Variants in SLC2A12 observed in about 807,000 individuals in gnomAD.
SLC2A12 encodes solute carrier family 2, facilitated glucose transporter member 12.
Under a neutral mutation model 41.8 loss-of-function variants are expected in SLC2A12, and 23 were observed. The ratio of observed to expected loss-of-function variants is 0.55; its 90% CI spans 0.40 to 0.78. The LOEUF (loss-of-function observed/expected upper bound fraction) is 0.78. Ranked by LOEUF, SLC2A12 falls within the 30% of genes least tolerant of loss-of-function variation. The pLI is 0.00. For missense variants in SLC2A12, 654 were observed against 745.6 expected, an observed-to-expected ratio of 0.88 and a Z score of 1.43; for synonymous variants, 295 against 285.9, an observed-to-expected ratio of 1.03 and a Z score of -0.32.
At chr6:134,033,143 G>A (rs1264815844) in intron 1 of SLC2A12, among the ~76,000 whole-genome samples, 1 of 151,980 alleles carries the variant, frequency 6.6e-6, no homozygotes, top group Non-Finnish European at 1.5e-5. Flanking sequence ...ATTTGGGTAA[G>A]TACAGAGGGG....
At chr6:134,037,399 C>T (rs1450534068) in intron 1 of SLC2A12, among the ~76,000 whole-genome samples, 7 of 149,718 alleles carry the variant, frequency 4.7e-5, no homozygotes, top group South Asian at 2.1e-4. Flanking sequence ...CTGGCTCTGT[C>T]GCCAGGCTGG....
chr6:134,042,003 G>GA (rs1777388599), intron 1 of SLC2A12, among the ~76,000 whole-genome samples: 2 of 152,146 alleles, frequency 1.3e-5, no homozygotes, highest in African/African-American at 4.8e-5. Flanking sequence ...ATTTAATGTT[G>GA]AAAAAATAGT....
chr6:134,006,193 CA>C (rs571711008), intron 3 of SLC2A12, among the ~76,000 whole-genome samples: 24,724 of 121,372 alleles, frequency 0.2, 2,333 homozygotes, highest in South Asian at 0.35. Flanking sequence ...AAAAAAAAAA[CA>C]AAAAAAAAAA....
intron 2 of SLC2A12, among the ~76,000 whole-genome samples, chr6:134,008,363 T>C (rs1776839836): frequency 6.6e-6 from 1 of 152,242 alleles, no homozygotes; most frequent in African/African-American, 2.4e-5. Context: ...ATTTTTTTCT[T>C]ACATTCTCCA....
At chr6:134,032,591 C>T (rs1777234713) in intron 1 of SLC2A12, among the ~76,000 whole-genome samples, 1 of 144,764 alleles carries the variant, frequency 6.9e-6, no homozygotes, top group Non-Finnish European at 1.5e-5. Context: ...TAATATCTTC[C>T]CTATTATATG....
chr6:134,033,255 C>T (rs1441708032), intron 1 of SLC2A12, among the ~76,000 whole-genome samples: 1 of 151,974 alleles, frequency 6.6e-6, no homozygotes, highest in East Asian at 1.9e-4. Flanking sequence ...TCTTTATTAC[C>T]TATTATTTAT....
chr6:134,005,422 G>A (rs971051527), intron 3 of SLC2A12, among the ~76,000 whole-genome samples: 2 of 151,986 alleles, frequency 1.3e-5, no homozygotes, highest in Non-Finnish European at 2.9e-5. Context: ...ACTTCGGGAG[G>A]CTGAGGCAGG....
chr6:134,020,152 C>T (rs1777023032), intron 2 of SLC2A12, among the ~76,000 whole-genome samples: 1 of 152,128 alleles, frequency 6.6e-6, no homozygotes, highest in Admixed American at 6.5e-5. Flanking sequence ...GTGGGGCATC[C>T]ACTTTAACCT....
intron 2 of SLC2A12, among the ~76,000 whole-genome samples, chr6:134,017,696 C>A (rs1776980332): frequency 6.6e-6 from 1 of 151,356 alleles, no homozygotes. Context: ...ACTAAAAATA[C>A]AAAAAAAATT....
At chr6:134,017,574 C>T (rs1316936097) in intron 2 of SLC2A12, among the ~76,000 whole-genome samples, 3 of 151,908 alleles carry the variant, frequency 2.0e-5, no homozygotes, top group African/African-American at 7.3e-5. Context: ...ACATTTAGGC[C>T]GGGCACGGTG....
intron 2 of SLC2A12, among the ~76,000 whole-genome samples, chr6:134,014,636 T>C (rs1681644312): frequency 6.6e-6 from 1 of 152,338 alleles, no homozygotes; most frequent in African/African-American, 2.4e-5. Context: ...CACTGAGTCA[T>C]GGAAAACAGT....
intron 1 of SLC2A12, among the ~76,000 whole-genome samples, chr6:134,039,418 T>C (rs1249535591): frequency 1.3e-5 from 2 of 152,236 alleles, no homozygotes; most frequent in African/African-American, 4.8e-5. Flanking sequence ...CTTAAAAAAC[T>C]ATATTGAGAA....
At chr6:134,002,679 A>C (rs1776767358) in intron 3 of SLC2A12, among the ~76,000 whole-genome samples, 1 of 152,188 alleles carries the variant, frequency 6.6e-6, no homozygotes, top group African/African-American at 2.4e-5. Flanking sequence ...GATGTGAATA[A>C]ATCATTTCAT....
intron 2 of SLC2A12, 113 bp downstream of exon 2, chr6:134,028,268 C>A: frequency 7.4e-7 from 1 of 1,353,382 alleles, no homozygotes; most frequent in Admixed American, 2.3e-5. Context: ...GAAGGAACAT[C>A]AGATGACCAA....
chr6:134,039,228 C>G (rs1286548168), intron 1 of SLC2A12, among the ~76,000 whole-genome samples: 1 of 152,124 alleles, frequency 6.6e-6, no homozygotes, highest in Non-Finnish European at 1.5e-5. Context: ...CCTAGAAGAA[C>G]TTCTCATATT....
intron 2 of SLC2A12, among the ~76,000 whole-genome samples, chr6:134,016,285 A>AAAATAAAT (rs545212628): frequency 6.6e-6 from 1 of 151,890 alleles, no homozygotes; most frequent in Non-Finnish European, 1.5e-5. Flanking sequence ...AACAAAAGAA[A>AAAATAAAT]AAATAAATAA....
intron 1 of SLC2A12, among the ~76,000 whole-genome samples, chr6:134,033,150 G>A (rs753632762): frequency 3.3e-5 from 5 of 151,980 alleles, no homozygotes; most frequent in Non-Finnish European, 7.4e-5. Context: ...TAAGTACAGA[G>A]GGGGCACTTC....
intron 3 of SLC2A12, among the ~76,000 whole-genome samples, chr6:134,005,659 T>TAAAAAAAAAAA (rs56710009): frequency 1.4e-4 from 9 of 64,968 alleles, no homozygotes; most frequent in African/African-American, 4.7e-4. Flanking sequence ...GACTCTGTCT[T>TAAAAAAAAAAA]AAAAAAAAAA....
At chr6:133,994,052 G>A (rs1266442910) in intron 4 of SLC2A12, among the ~76,000 whole-genome samples, 1 of 152,194 alleles carries the variant, frequency 6.6e-6, no homozygotes, top group Non-Finnish European at 1.5e-5. Context: ...ACCAGTAAGT[G>A]GGTATTGCAG....
Sources: allele counts gnomAD v4.1 joint callset (sites outside exome capture counted in the v4.1 genomes callset), GRCh38; gene constraint gnomAD v4.1.1; transcripts MANE v1.5; gene names NCBI Gene and HGNC (gene_info 2026-07-23, HGNC 2026-07-21).